The following SVIL variants were observed in gnomAD, a reference collection of about 807,000 sequenced individuals.
SVIL encodes supervillin, also known as archvillin.
A neutral mutation model predicts 240.4 loss-of-function variants in SVIL; 101 were observed. The observed-to-expected ratio is 0.42, with a 90% confidence interval of 0.36 to 0.50. SVIL has a LOEUF of 0.50. SVIL is among the 20% of genes least tolerant of loss of function. SVIL has a pLI of 0.01. For synonymous variants in SVIL, 999 were observed against 1,100.0 expected (o/e 0.91, Z 1.82); for missense variants, 2,512 against 2,818.7 (o/e 0.89, Z 2.46).
At chr10:29,592,381 T>C (rs1430994304) in intron 1 of SVIL, among the ~76,000 whole-genome samples, 1 of 152,248 alleles carries the variant, frequency 6.6e-6, no homozygotes, top group Non-Finnish European at 1.5e-5. Flanking sequence ...ATAAAGCCTC[T>C]TCGATATTTC....
At chr10:29,580,460 G>A (rs1955893516) in intron 1 of SVIL, among the ~76,000 whole-genome samples, 1 of 152,160 alleles carries the variant, frequency 6.6e-6, no homozygotes, top group African/African-American at 2.4e-5. Flanking sequence ...AACACGTATA[G>A]AAGCACTCCA....
chr10:29,663,649 C>A (rs181428120), intron 2 of SVIL, among the ~76,000 whole-genome samples: 128 of 152,354 alleles, frequency 8.4e-4, no homozygotes, highest in African/African-American at 2.9e-3. Flanking sequence ...AGCCACCATG[C>A]CCTGGTTGAG....
intron 1 of SVIL, among the ~76,000 whole-genome samples, chr10:29,631,196 TG>T (rs1452830847): frequency 6.6e-6 from 1 of 152,238 alleles, no homozygotes; most frequent in Non-Finnish European, 1.5e-5. Flanking sequence ...CCCAGGCTTT[TG>T]CATGTAAGCA....
In SVIL at chr10:29,616,521, A is replaced by G. The variant is rs144722590; in HGVS notation, c.-201+17899T>C. On this transcript the variant is annotated intron_variant, in intron 1 of 37. Coordinates refer to ENST00000355867, the MANE Select transcript of SVIL (RefSeq NM_021738.3). ...GTAATCTGATATTAGGATTTATTGTACTGCACTGATATTTTTTATGTAAAG... is the reference window on the plus strand; with the variant it reads ...GTAATCTGATATTAGGATTTATTGTGCTGCACTGATATTTTTTATGTAAAG... 1.7e-4 allele frequency among the ~76,000 whole-genome samples: 26 copies of G among 152,350 alleles called. No individual in the cohort carries two copies. In the East Asian group the frequency reaches 4.4e-3, roughly 26 times the overall value.
intron 1 of SVIL, among the ~76,000 whole-genome samples, chr10:29,633,103 C>T (rs1267113072): frequency 6.6e-6 from 1 of 151,926 alleles, no homozygotes; most frequent in Non-Finnish European, 1.5e-5. Flanking sequence ...GGATATGGTG[C>T]CAGGTGCCTG....
intron 2 of SVIL, among the ~76,000 whole-genome samples, chr10:29,669,722 A>T (rs1959615699): frequency 6.6e-6 from 1 of 152,158 alleles, no homozygotes; most frequent in African/African-American, 2.4e-5. Flanking sequence ...GTTGATGGAG[A>T]TGGAGATCGA....
intron 29 of SVIL, among the ~76,000 whole-genome samples, chr10:29,480,052 T>C (rs1946658565): frequency 6.6e-6 from 1 of 152,184 alleles, no homozygotes; most frequent in South Asian, 2.1e-4. Context: ...ACCCGTGCTC[T>C]CAGTCTCGGG....
intron 1 of SVIL, chr10:29,602,263 TGAAGGCATA>T: frequency 1.9e-6 from 1 of 533,596 alleles, no homozygotes. Context: ...TAAGTGTTCA[TGAAGGCATA>T]CCAAGTTCTT....
At chr10:29,654,137 T>C (rs904695291) in intron 3 of SVIL, among the ~76,000 whole-genome samples, 2 of 152,154 alleles carry the variant, frequency 1.3e-5, no homozygotes, top group Non-Finnish European at 2.9e-5. Flanking sequence ...TGAAGAGTAC[T>C]GTCATTTTTA....
rs1264990764 is a variant in SVIL at position 29,462,294 on chromosome 10, C to T, written c.6385G>A (p.Ala2129Thr). The T allele has an allele frequency of 4.3e-6, 7 of 1,613,992 alleles. No individual in the cohort carries two copies. Among genetic ancestry groups the T allele is most frequent in the South Asian group, 2.2e-5 (2 of 91,084 alleles). Residue 2129 changes from alanine to threonine, a missense_variant, in exon 36 of 38, where the codon GCT becomes ACT. Coordinates refer to ENST00000355867, the MANE Select transcript of SVIL (RefSeq NM_021738.3). ...FPSWEHREDI[A>T]EITEMDTEVS... is the part of the protein sequence containing the mutation. ...GTGCTCACCATCTCTGTGATCTCAGCGATGTCCTCTCTGTGCTCCCAGCTG... is the reference window on the plus strand; with the variant it reads ...GTGCTCACCATCTCTGTGATCTCAGTGATGTCCTCTCTGTGCTCCCAGCTG...
chr10:29,574,143 A>C (rs1955578916), intron 1 of SVIL, among the ~76,000 whole-genome samples: 1 of 152,154 alleles, frequency 6.6e-6, no homozygotes, highest in South Asian at 2.1e-4. Context: ...CACTAATCTT[A>C]CTCAGGGGCA....
In SVIL at chr10:29,624,145, C is replaced by G. The variant is rs117944646; in HGVS notation, c.-201+10275G>C. 6.7e-3 allele frequency among the ~76,000 whole-genome samples: 951 copies of G among 141,984 alleles called. 9 individuals carry two copies. The highest frequency in any genetic ancestry group is 0.018 in the Middle Eastern group (5 of 272). 93.1% of individuals were successfully genotyped at this position (141,984 alleles called of 152,430 possible). A position where few individuals can be genotyped will look rare whatever the true frequency, so the allele number is the denominator to read the frequency against. ...AAGAGTAATGAAAACAATGGATGCT[C>G]TCCTTTATTAAATGAGCTTTCAAAA... On this transcript the variant is annotated intron_variant, in intron 1 of 37. Coordinates refer to ENST00000355867, the MANE Select transcript of SVIL (RefSeq NM_021738.3).
chr10:29,495,948 G>A (rs113719454), intron 18 of SVIL, among the ~76,000 whole-genome samples: 12 of 151,942 alleles, frequency 7.9e-5, no homozygotes, highest in African/African-American at 2.7e-4. Flanking sequence ...AAAGAAAACT[G>A]ATTAGTGCAT....
chr10:29,731,562 G>C (rs935824740), intron 1 of SVIL, among the ~76,000 whole-genome samples: 1 of 152,064 alleles, frequency 6.6e-6, no homozygotes, highest in Non-Finnish European at 1.5e-5. Context: ...TTAGGTATTA[G>C]ATCCATTCCT....
At chr10:29,645,451 T>C (rs1357476924) in intron 3 of SVIL, among the ~76,000 whole-genome samples, 3 of 151,948 alleles carry the variant, frequency 2.0e-5, no homozygotes, top group Non-Finnish European at 4.4e-5. Flanking sequence ...GCTCTTGTAG[T>C]CCAAACTACT....
chr10:29,729,473 G>A (rs1337538927), intron 1 of SVIL, among the ~76,000 whole-genome samples: 5 of 149,586 alleles, frequency 3.3e-5, no homozygotes, highest in African/African-American at 1.2e-4. Flanking sequence ...GTGTGTGTGT[G>A]TGTGTGTGTG....
intron 3 of SVIL, among the ~76,000 whole-genome samples, chr10:29,648,701 A>G (rs1002440384): frequency 1.3e-5 from 2 of 152,228 alleles, no homozygotes; most frequent in African/African-American, 4.8e-5. Context: ...CCTGCAGCCA[A>G]GATAACAGGT....
intron 3 of SVIL, among the ~76,000 whole-genome samples, chr10:29,645,899 AAAAT>A (rs1383543358): frequency 1.3e-5 from 2 of 152,206 alleles, no homozygotes; most frequent in African/African-American, 4.8e-5. Context: ...GGGAAGAGAG[AAAAT>A]AAATAAGCAA....
intron 1 of SVIL, among the ~76,000 whole-genome samples, chr10:29,594,597 C>A (rs894951929): frequency 4.7e-5 from 7 of 150,234 alleles, no homozygotes; most frequent in Non-Finnish European, 8.9e-5. Context: ...CACTCTGTCA[C>A]CCAGGCTGAA....
Sources: allele counts gnomAD v4.1 joint callset (sites outside exome capture counted in the v4.1 genomes callset), GRCh38; gene constraint gnomAD v4.1.1; transcripts MANE v1.5; gene names NCBI Gene and HGNC (gene_info 2026-07-23, HGNC 2026-07-21).